The following SPTBN2 variants were observed in gnomAD, a reference collection of about 807,000 sequenced individuals.
The protein encoded by SPTBN2 is spectrin beta chain, non-erythrocytic 2.
In SPTBN2, 107 loss-of-function variants were observed where a neutral mutation model predicts 284.2. That is an observed-to-expected ratio of 0.38 (90% CI 0.32 to 0.44). The LOEUF is 0.44. Ranked by LOEUF, SPTBN2 falls within the 20% of genes least tolerant of loss-of-function variation. The probability of loss-of-function intolerance (pLI) is 1.00; values close to 1 mark genes in which losing one functional copy is unlikely to be tolerated. For synonymous variants in SPTBN2, 1,289 were observed against 1,354.8 expected (o/e 0.95, Z 1.07); for missense variants, 2,569 against 3,287.1 (o/e 0.78, Z 5.34).
chr11:66,688,953 GCC>G, intron 30 of SPTBN2, 104 bp from the exon 31 acceptor site: 1 of 1,504,658 alleles, frequency 6.6e-7, no homozygotes. Context: ...GAAAGCCACT[GCC>G]CCAGAGCTGT....
rs1032921709 is a variant in SPTBN2, at chr11:66,735,852, C to T, written c.-474-6660G>A. ...AGCTATCAGTAGAAATGAGAGCTGA[C>T]GAACTAAGTTGAGAAATAAAGAAAA... is the stretch of plus-strand genomic sequence containing the variant. On this transcript the variant is annotated intron_variant, in intron 1 of 37. Coordinates refer to the SPTBN2 transcript ENST00000611817. Among the ~76,000 whole-genome samples, 6 of 152,182 alleles carry T rather than the reference C, an allele frequency of 3.9e-5. No homozygotes were observed. In the South Asian group the frequency reaches 6.2e-4, roughly 16 times the overall value.
Position 66,704,730 on chromosome 11 carries a change from T to C in SPTBN2, c.2546A>G (p.Glu849Gly), listed in dbSNP as rs760112044. The change falls in exon 15 of 38, where the codon GAG (glutamate) becomes GGG (glycine). Residue 849 changes from glutamate to glycine, a missense_variant. Around this residue, in one of 6 missense-constraint regions of SPTBN2, gnomAD observed 1,012 missense variants for 1,248.9 expected, o/e 0.81. Transcript: ENST00000533211. ...CATGGTGTAGAGCGCCAGGGCTGCC[T>C]CCAAGGCCCGCGCTCGCTCGCCTGC... is the stretch of plus-strand genomic sequence containing the variant. Reference protein sequence around the residue: ...ARAGERARALEAALALYTMLS... With the variant: ...ARAGERARALGAALALYTMLS... 6.2e-7 allele frequency: 1 copy of C among 1,603,880 alleles called. No individual in the cohort carries two copies. Among genetic ancestry groups the C allele is most frequent in the East Asian group, 2.3e-5 (1 of 44,380 alleles).
rs368415742 is a variant in SPTBN2 at position 66,689,152 on chromosome 11, G to A, written c.5978C>T (p.Ala1993Val). 8 of 1,609,390 alleles carry A rather than the reference G, an allele frequency of 5.0e-6. No individual in the cohort carries two copies. Among genetic ancestry groups the A allele is most frequent in the Non-Finnish European group, 5.9e-6 (7 of 1,177,710 alleles). The change falls in exon 30 of 38, where the codon GCA becomes GTA. Residue 1993 changes from alanine (A) to valine (V), a missense_variant. Ala to Val is a moderately conservative substitution (Grantham distance 64, BLOSUM62 0). Around this residue, in one of 6 missense-constraint regions of SPTBN2, gnomAD observed 1,130 missense variants for 1,317.3 expected, o/e 0.86. Coordinates refer to ENST00000533211, the MANE Select transcript of SPTBN2 (RefSeq NM_006946.4). ...CTTCTCAGCTGTCTCCTGGCGCCGT[G>A]CCTGCAGCTGAGACAGCTTCTCTGA... ...EISEKLSQLQ[A>V]RRQETAEKWQ...
rs17147865 is a variant in SPTBN2 at position 66,737,758 on chromosome 11, A to G, written c.-475+6784T>C. On this transcript the variant is annotated intron_variant, in intron 1 of 37. Transcript: ENST00000611817. ...TCCCAACCCTAAACACACTAAATACACTATGTAAACTGGACCAACACTCTA... is the reference window on the plus strand; with the variant it reads ...TCCCAACCCTAAACACACTAAATACGCTATGTAAACTGGACCAACACTCTA... Among the ~76,000 whole-genome samples, 373 of 152,304 alleles carry G rather than the reference A, an allele frequency of 2.4e-3. 1 individual carries two copies. Among genetic ancestry groups the G allele is most frequent in the African/African-American group, 8.3e-3 (344 of 41,548 alleles).
rs1942383868 is a variant in SPTBN2, at chr11:66,721,167, C to A, written c.74G>T (p.Arg25Leu). ...IQGQYSDINN[R>L]WDLPDSDWDN... ...CCAGTCCGAGTCAGGAAGGTCCCAG[C>A]GGTTGTTGATGTCACTGTACTGGCC... Residue 25 changes from arginine to leucine, a missense_variant, in exon 3 of 38, where the codon CGC becomes CTC. By Grantham distance (102) the Arg-to-Leu change is moderately radical (BLOSUM62 -2). Coordinates refer to ENST00000533211, the MANE Select transcript of SPTBN2 (RefSeq NM_006946.4). 1 of 1,613,990 alleles carries A rather than the reference C, an allele frequency of 6.2e-7. No individual in the cohort carries two copies. Among genetic ancestry groups the A allele is most frequent in the African/African-American group, 1.3e-5 (1 of 74,876 alleles).
At position 66,691,732 on chromosome 11, in the gene SPTBN2, C is replaced by G; in HGVS notation, c.5191-74G>C. 1 of 1,602,468 alleles carries G rather than the reference C, an allele frequency of 6.2e-7. No individual in the cohort carries two copies. Among genetic ancestry groups the G allele is most frequent in the Non-Finnish European group, 8.5e-7 (1 of 1,177,372 alleles). On this transcript the variant is annotated intron_variant, in intron 26 of 37. Transcript: ENST00000533211. The surrounding 1 kb of genome is among the most constrained non-coding windows in gnomAD (Gnocchi z 8.0). ...TGGTCCCTGCCTGATGGAGCGAGTC[C>G]TCCACTCCAAACTCAGAACCCACCT... is the stretch of plus-strand genomic sequence containing the variant.
chr11:66,720,267 T>C (rs1942333672), intron 3 of SPTBN2, among the ~76,000 whole-genome samples: 1 of 151,990 alleles, frequency 6.6e-6, no homozygotes, highest in Non-Finnish European at 1.5e-5. Flanking sequence ...CTGGGTTGGG[T>C]TGGGCTGGGC....
At chr11:66,690,463 T>C in intron 27 of SPTBN2, 180 bp from the exon 28 acceptor site, 2 of 818,638 alleles carry the variant, frequency 2.4e-6, no homozygotes, top group Non-Finnish European at 3.7e-6. Flanking sequence ...CTCTGCCCTG[T>C]TGGGTCTCAT....
intron 27 of SPTBN2, 128 bp from the exon 28 acceptor site, chr11:66,690,411 G>T: frequency 1.5e-6 from 2 of 1,317,536 alleles, no homozygotes; most frequent in African/African-American, 1.5e-5. Context: ...AGGAGCCAGG[G>T]AGTGGGGGTG....
rs185718971 is a variant in SPTBN2 at position 66,702,560 on chromosome 11, C to T, written c.2679-839G>A. 3.9e-5 allele frequency among the ~76,000 whole-genome samples: 6 copies of T among 152,302 alleles called. No homozygotes were observed. In the East Asian group the frequency reaches 5.8e-4, roughly 15 times the overall value. On this transcript the variant is annotated intron_variant, in intron 15 of 37. Transcript: ENST00000533211. Reference sequence around the variant, plus strand: ...GGCTTCGTGAGCCATGCAGCTGCTGCGGCAACTATTCAGCCCTGCTGCTGT... The same window carrying T: ...GGCTTCGTGAGCCATGCAGCTGCTGTGGCAACTATTCAGCCCTGCTGCTGT...
rs747667092 is a variant in SPTBN2, at chr11:66,693,758, A to G, written c.4593+14T>C. 8 of 1,609,166 alleles carry G rather than the reference A, an allele frequency of 5.0e-6. No individual in the cohort carries two copies. Among genetic ancestry groups the G allele is most frequent in the South Asian group, 1.1e-5 (1 of 90,016 alleles). ...TCCTGGGAACTTCTCTTTTGCCTTC[A>G]GCCTCTGCCTCACCTGGTTTTTCTT... On this transcript the variant is annotated intron_variant, in intron 23 of 37. Transcript: ENST00000533211. The surrounding 1 kb of genome is among the most constrained non-coding windows in gnomAD (Gnocchi z 5.7).
rs990476177 is a variant in SPTBN2, at chr11:66,682,869, G to C, written c.*3002C>G. On this transcript the variant is annotated 3_prime_UTR_variant, in exon 38 of 38. Transcript: ENST00000533211. ...CCTCTGCTTCCCAGGTTCAAGCAAT[G>C]CTCCTGCCTCAGCCTCCCAAGTAGC... Among the ~76,000 whole-genome samples, 1 of 150,708 alleles carries C rather than the reference G, an allele frequency of 6.6e-6. No individual in the cohort carries two copies. The highest frequency in any genetic ancestry group is 1.5e-5 in the Non-Finnish European group (1 of 67,716).
rs757808236 is a variant in SPTBN2, at chr11:66,687,663, T to G, written c.6502-16A>C. 1.3e-5 allele frequency: 20 copies of G among 1,583,168 alleles called. No individual in the cohort carries two copies. The highest frequency in any genetic ancestry group is 6.0e-6 in the Non-Finnish European group (7 of 1,164,592). On this transcript the variant is annotated splice_polypyrimidine_tract_variant and intron_variant, in intron 34 of 37. Transcript: ENST00000533211. This position sits in a 1 kb window ranked among gnomAD's most constrained non-coding sequence, Gnocchi z 5.2. The stretch of plus-strand genomic sequence containing the variant: ...AGCCAGGTCCCTGGGGGGGAATCAG[T>G]GTCAGTGTCAAAGGTTGAGACGGGA...
chr11:66,705,000 A>G lies in SPTBN2; in HGVS notation c.2276T>C (p.Met759Thr), dbSNP rs1565136199. Reference sequence around the variant, plus strand: ...CAGTGCGTCAACCAACCAGGCCTCCATGTCGTTTGCATCGGCCTGGAACTG... The same window carrying G: ...CAGTGCGTCAACCAACCAGGCCTCCGTGTCGTTTGCATCGGCCTGGAACTG... ...LYQFQADANDMEAWLVDALRL... is the reference protein window; with the variant it reads ...LYQFQADANDTEAWLVDALRL... The change falls in exon 15 of 38, where the codon ATG becomes ACG. Residue 759 changes from methionine (M) to threonine (T), a missense_variant. Transcript: ENST00000533211. 1.2e-6 allele frequency: 2 copies of G among 1,605,372 alleles called. No individual in the cohort carries two copies. The highest frequency in any genetic ancestry group is 1.7e-6 in the Non-Finnish European group (2 of 1,179,798).
At chr11:66,716,088 G>A (rs191453305) in intron 3 of SPTBN2, 107 bp from the exon 4 acceptor site, 57 of 1,486,214 alleles carry the variant, frequency 3.8e-5, no homozygotes, top group Non-Finnish European at 4.2e-5. Context: ...GATGGGAAGC[G>A]GGGTCCTCTA....
chr11:66,721,069 C>A lies in SPTBN2; in HGVS notation c.157+15G>T. ...CCTCCAGCATCCCCCCACCTCGACC[C>A]TCCTCTGACCTCACCTGCCAGAGCC... On this transcript the variant is annotated intron_variant, in intron 3 of 37. Coordinates refer to ENST00000533211, the MANE Select transcript of SPTBN2 (RefSeq NM_006946.4). The A allele has an allele frequency of 1.9e-6, 3 of 1,614,192 alleles. No individual in the cohort carries two copies. The highest frequency in any genetic ancestry group is 1.6e-4 in the Middle Eastern group (1 of 6,062).
In SPTBN2 at chr11:66,711,146, T is replaced by C. The variant is rs1941840066; in HGVS notation, c.773-117A>G. 3 of 816,378 alleles carry C rather than the reference T, an allele frequency of 3.7e-6. No homozygotes were observed. The East Asian group carries it at 7.5e-5, about 20-fold the overall frequency. The allele number at this position is 816,378 out of a possible 1,614,324, so 50.6% of individuals were successfully genotyped here. A position where few individuals can be genotyped will look rare whatever the true frequency, so the allele number is the denominator to read the frequency against. On this transcript the variant is annotated intron_variant, in intron 8 of 37. Coordinates refer to ENST00000533211, the MANE Select transcript of SPTBN2 (RefSeq NM_006946.4). ...AAGGCTGACATCTCTCCATCTCCTTTTAGAGCAAAATGACAACTTACCCAT... is the reference window on the plus strand; with the variant it reads ...AAGGCTGACATCTCTCCATCTCCTTCTAGAGCAAAATGACAACTTACCCAT...
At position 66,705,085 on chromosome 11, in the gene SPTBN2, G is replaced by A. The variant is rs887515522; in HGVS notation, c.2191C>T (p.Arg731Trp). 2.1e-5 allele frequency: 33 copies of A among 1,573,360 alleles called. No individual in the cohort carries two copies. The highest frequency in any genetic ancestry group is 3.3e-4 in the Middle Eastern group (2 of 5,994). Residue 731 changes from arginine (R) to tryptophan (W), a missense_variant, in exon 15 of 38, where the codon CGG (arginine) becomes TGG (tryptophan). By Grantham distance (101) the Arg-to-Trp change is moderately radical. Coordinates refer to ENST00000533211, the MANE Select transcript of SPTBN2 (RefSeq NM_006946.4). The part of the protein sequence containing the change: ...RAAELQAQWE[R>W]LEALAEERAQ... ...CGCTCCTCGGCCAGGGCCTCTAGCCGCTCCCACTGGGCTTGGAGTTCAGCT... is the reference window on the plus strand; with the variant it reads ...CGCTCCTCGGCCAGGGCCTCTAGCCACTCCCACTGGGCTTGGAGTTCAGCT...
chr11:66,700,207 G>A lies in SPTBN2; in HGVS notation c.3573+319C>T, dbSNP rs1003895165. ...TGAGCTCAAGTTATTCTCCTGCCTC[G>A]GCCTCCCAAAATACTGGGAGTACAA... On this transcript the variant is annotated intron_variant, in intron 17 of 37. Coordinates refer to ENST00000533211, the MANE Select transcript of SPTBN2 (RefSeq NM_006946.4). The surrounding 1 kb of genome is among the most constrained non-coding windows in gnomAD (Gnocchi z 6.6). 6.6e-6 allele frequency among the ~76,000 whole-genome samples: 1 copy of A among 151,650 alleles called. No individual in the cohort carries two copies.
Sources: allele counts gnomAD v4.1 joint callset (sites outside exome capture counted in the v4.1 genomes callset), GRCh38; gene constraint gnomAD v4.1.1; regional missense constraint gnomAD v4.1.1; non-coding constraint Gnocchi (gnomAD v3.1); transcripts MANE v1.5; gene names NCBI Gene and HGNC (gene_info 2026-07-23, HGNC 2026-07-21).